The following ZDHHC15 variants were observed in gnomAD, a reference collection of about 807,000 sequenced individuals.
The protein encoded by ZDHHC15 is zDHHC palmitoyltransferase 15.
In ZDHHC15, 19 loss-of-function variants were observed where a neutral mutation model predicts 31.7. That is an observed-to-expected ratio of 0.60 (90% CI 0.42 to 0.88). The LOEUF (loss-of-function observed/expected upper bound fraction) is 0.88, where lower values mean the gene tolerates loss of function less well. ZDHHC15 is among the 40% of genes least tolerant of loss of function. The probability of loss-of-function intolerance (pLI) is 0.00; values close to 1 mark genes in which losing one functional copy is unlikely to be tolerated. For missense variants in ZDHHC15, 209 were observed against 251.2 expected, an observed-to-expected ratio of 0.83 and a Z score of 1.14; for synonymous variants, 103 against 90.0, an observed-to-expected ratio of 1.14 and a Z score of -0.82.
At chrX:75,494,894 C>T (rs1291662196) in intron 2 of ZDHHC15, among the ~76,000 whole-genome samples, 1 of 112,069 alleles carries the variant, frequency 8.9e-6, no homozygotes, top group East Asian at 2.8e-4. Context: ...ATGTCTAAAA[C>T]ACCGAAAGCA....
intron 2 of ZDHHC15, among the ~76,000 whole-genome samples, chrX:75,502,885 A>G (rs1305190401): frequency 9.0e-6 from 1 of 111,324 alleles, no homozygotes; most frequent in Non-Finnish European, 1.9e-5. Context: ...GATCTATGGG[A>G]AAACATATGA....
intron 10 of ZDHHC15, among the ~76,000 whole-genome samples, chrX:75,394,826 T>A (rs1440389372): frequency 9.0e-6 from 1 of 110,876 alleles, no homozygotes; most frequent in East Asian, 2.8e-4. Context: ...AGACAGAAAA[T>A]CAACAAAGTA....
chrX:75,456,434 A>G (rs1479253135), intron 3 of ZDHHC15, among the ~76,000 whole-genome samples: 1 of 110,999 alleles, frequency 9.0e-6, no homozygotes, highest in Non-Finnish European at 1.9e-5. Flanking sequence ...GCACACCAAC[A>G]TGGCACATAT....
At chrX:75,482,634 C>A (rs2084708983) in intron 2 of ZDHHC15, among the ~76,000 whole-genome samples, 1 of 111,547 alleles carries the variant, frequency 9.0e-6, no homozygotes. Context: ...AGCCACTATG[C>A]AAAGCAGGGC....
rs2082995308 is a variant in ZDHHC15, at chrX:75,370,509, C to A, written c.*2469G>T. The A allele has an allele frequency of 1.2e-5, 1 of 82,253 alleles. No homozygotes were observed. Among genetic ancestry groups the A allele is most frequent in the Non-Finnish European group, 2.4e-5 (1 of 41,867 alleles). The allele number at this position is 82,253 out of a possible 1,213,427, so 6.8% of individuals were successfully genotyped here. A position where few individuals can be genotyped will look rare whatever the true frequency, so the allele number is the denominator to read the frequency against. On this transcript the variant is annotated 3_prime_UTR_variant, in exon 12 of 12. Coordinates refer to ENST00000373367, the MANE Select transcript of ZDHHC15 (RefSeq NM_144969.3). ...TTTATCTCTGAGCCCCTGGTAAAAC[C>A]CTGATTTATTTGGCTTTTTTTTTTT...
chrX:75,495,127 A>T (rs2084970616), intron 2 of ZDHHC15, among the ~76,000 whole-genome samples: 1 of 112,227 alleles, frequency 8.9e-6, no homozygotes, highest in African/African-American at 3.2e-5. Flanking sequence ...AAAGGATTTG[A>T]ATAGCCACTT....
At chrX:75,397,362 T>C in intron 10 of ZDHHC15, among the ~76,000 whole-genome samples, 1 of 110,644 alleles carries the variant, frequency 9.0e-6, no homozygotes, top group East Asian at 2.8e-4. Flanking sequence ...CAAGATTTAG[T>C]ATTTTAAAAT....
chrX:75,495,462 C>A (rs1304553152), intron 2 of ZDHHC15, among the ~76,000 whole-genome samples: 1 of 111,004 alleles, frequency 9.0e-6, no homozygotes, highest in African/African-American at 3.3e-5. Flanking sequence ...AATCATGCTG[C>A]TATAAAGACA....
chrX:75,506,604 A>C (rs930665657), intron 1 of ZDHHC15, among the ~76,000 whole-genome samples: 4 of 111,518 alleles, frequency 3.6e-5, no homozygotes, highest in Admixed American at 1.9e-4. Flanking sequence ...GTTGTCTTCC[A>C]GTTAAACAAC....
At chrX:75,518,492 G>A (rs1195403396) in intron 1 of ZDHHC15, among the ~76,000 whole-genome samples, 2 of 109,041 alleles carry the variant, frequency 1.8e-5, no homozygotes, top group African/African-American at 6.7e-5. Flanking sequence ...AAGTCTTGGT[G>A]AGAATGTGGA....
intron 3 of ZDHHC15, 98 bp from the exon 4 acceptor site, chrX:75,451,020 C>G (rs2084108651): frequency 9.9e-7 from 1 of 1,011,097 alleles, no homozygotes; most frequent in Admixed American, 3.4e-5. Context: ...TATTTGTTAC[C>G]TACCCTTGAA....
intron 7 of ZDHHC15, among the ~76,000 whole-genome samples, chrX:75,427,345 C>G (rs761764509): frequency 1.8e-5 from 2 of 111,533 alleles, no homozygotes; most frequent in African/African-American, 6.5e-5. Context: ...CTTGGTATTA[C>G]TTGTGAATAT....
intron 10 of ZDHHC15, among the ~76,000 whole-genome samples, chrX:75,396,703 A>C (rs976032660): frequency 6.3e-5 from 7 of 111,924 alleles, no homozygotes; most frequent in Non-Finnish European, 1.1e-4. Context: ...TGTTTATTGG[A>C]GCACAACTCA....
intron 1 of ZDHHC15, among the ~76,000 whole-genome samples, chrX:75,507,996 A>C: frequency 9.0e-6 from 1 of 111,374 alleles, no homozygotes; most frequent in Non-Finnish European, 1.9e-5. Flanking sequence ...ACACTGAAGA[A>C]ATTCTACAGC....
chrX:75,484,709 A>G (rs2084749737), intron 2 of ZDHHC15, among the ~76,000 whole-genome samples: 1 of 112,084 alleles, frequency 8.9e-6, no homozygotes, highest in African/African-American at 3.2e-5. Flanking sequence ...AGAATCCCAC[A>G]GCTAGGTATT....
intron 10 of ZDHHC15, among the ~76,000 whole-genome samples, chrX:75,404,663 A>G (rs1399214837): frequency 1.8e-5 from 2 of 112,278 alleles, no homozygotes; most frequent in Non-Finnish European, 3.8e-5. Flanking sequence ...AATGCAAATC[A>G]AAACCACAAT....
At chrX:75,449,922 A>C (rs1024230842) in intron 4 of ZDHHC15, among the ~76,000 whole-genome samples, 2 of 112,068 alleles carry the variant, frequency 1.8e-5, no homozygotes, top group Non-Finnish European at 3.8e-5. Flanking sequence ...GATGAAACCT[A>C]AGAGTAAAAT....
rs193292504 is a variant in ZDHHC15 at position 75,485,462 on chromosome X, C to G, written c.164-6477G>C. ...GGAAGCAAAATCATGACTCTAAAACCTACCATTGGCTGCACTGTGGTTGAT... is the reference window on the plus strand; with the variant it reads ...GGAAGCAAAATCATGACTCTAAAACGTACCATTGGCTGCACTGTGGTTGAT... On this transcript the variant is annotated intron_variant, in intron 2 of 11. Transcript: ENST00000373367. Among the ~76,000 whole-genome samples the G allele has an allele frequency of 9.4e-4, 104 of 110,610 alleles. 1 individual carries two copies. Among genetic ancestry groups the G allele is most frequent in the African/African-American group, 3.4e-3 (102 of 30,403 alleles).
rs943237894 is a variant in ZDHHC15 at position 75,372,543 on chromosome X, G to A, written c.*435C>T. 1 of 111,582 alleles carries A rather than the reference G, an allele frequency of 9.0e-6. No homozygotes were observed. The allele number at this position is 111,582 out of a possible 1,213,427, so 9.2% of individuals were successfully genotyped here. A position where few individuals can be genotyped will look rare whatever the true frequency, so the allele number is the denominator to read the frequency against. Reference sequence around the variant, plus strand: ...TGTTCACAAATGCACACGCACACAAGCAGCAAATGTAGTTTGATTCCCTTC... The same window carrying A: ...TGTTCACAAATGCACACGCACACAAACAGCAAATGTAGTTTGATTCCCTTC... On this transcript the variant is annotated 3_prime_UTR_variant, in exon 12 of 12. Transcript: ENST00000373367.
Sources: gnomAD v4.1 joint callset for allele counts (sites outside exome capture counted in the v4.1 genomes callset) on GRCh38, gnomAD v4.1.1 for gene constraint, MANE v1.5 for transcripts, NCBI Gene and HGNC (gene_info 2026-07-23, HGNC 2026-07-21) for gene names.